The following RIPK2 variants were observed in gnomAD, a reference collection of about 807,000 sequenced individuals.
RIPK2 encodes receptor-interacting serine/threonine-protein kinase 2.
In RIPK2, 38 loss-of-function variants were observed where a neutral mutation model predicts 60.9. The ratio of observed to expected loss-of-function variants is 0.62; its 90% CI spans 0.48 to 0.82. The LOEUF is 0.82. RIPK2 is among the 40% of genes least tolerant of loss of function. RIPK2 has a pLI of 0.00. For missense variants in RIPK2, 518 were observed against 647.0 expected (o/e 0.80, Z 2.16); for synonymous variants, 225 against 223.4 (o/e 1.01, Z -0.06).
chr8:89,767,905 C>T (rs1321904852), intron 3 of RIPK2, among the ~76,000 whole-genome samples: 2 of 151,716 alleles, frequency 1.3e-5, no homozygotes, highest in South Asian at 2.1e-4. Flanking sequence ...TCCTTCAACT[C>T]GTTTTCTTAT....
Position 89,789,486 on chromosome 8 carries a change from A to T in RIPK2, c.1285+4A>T. On this transcript the variant is annotated splice_donor_region_variant and intron_variant, in intron 10 of 10. Transcript: ENST00000220751. ...CTCTCAACTGCAGGAAACTCAGGTA[A>T]ATATTTACTGTGAAACACCTTGTAA... 6.2e-7 allele frequency: 1 copy of T among 1,612,388 alleles called. No homozygotes were observed.
intron 9 of RIPK2, among the ~76,000 whole-genome samples, chr8:89,788,451 G>T (rs1337355874): frequency 6.6e-6 from 1 of 151,990 alleles, no homozygotes; most frequent in East Asian, 1.9e-4. Context: ...CACACAAAGG[G>T]TTGATGGCCA....
At chr8:89,760,475 A>T (rs1289769006) in intron 1 of RIPK2, among the ~76,000 whole-genome samples, 1 of 152,226 alleles carries the variant, frequency 6.6e-6, no homozygotes, top group Non-Finnish European at 1.5e-5. Flanking sequence ...AAAATGTAAA[A>T]ATCAATTTTT....
chr8:89,788,602 T>G (rs1482262923), intron 9 of RIPK2, among the ~76,000 whole-genome samples: 1 of 151,758 alleles, frequency 6.6e-6, no homozygotes, highest in African/African-American at 2.4e-5. Flanking sequence ...CATGGTGAAA[T>G]TCCATCTCTA....
chr8:89,771,806 C>CT lies in RIPK2; in HGVS notation c.691+22dup. The CT allele has an allele frequency of 6.5e-7, 1 of 1,542,310 alleles. No homozygotes were observed. Among genetic ancestry groups the CT allele is most frequent in the Non-Finnish European group, 8.9e-7 (1 of 1,118,264 alleles). ...CCTTTTGAAGGTAAGTATGGTTTGA[C>CT]TTTTTTATGCTCAATAACATCATGT... On this transcript the variant is annotated intron_variant, in intron 5 of 10. Transcript: ENST00000220751.
chr8:89,772,603 A>T, intron 5 of RIPK2, 64 bp from the exon 6 acceptor site: 1 of 1,183,796 alleles, frequency 8.4e-7, no homozygotes, highest in Non-Finnish European at 1.2e-6. Flanking sequence ...AGTTAGTTTT[A>T]GATGTAAGTA....
intron 3 of RIPK2, among the ~76,000 whole-genome samples, chr8:89,767,945 A>G (rs1157467309): frequency 6.6e-6 from 1 of 151,724 alleles, no homozygotes; most frequent in Non-Finnish European, 1.5e-5. Context: ...GGTGCTATGT[A>G]GATGCATCAT....
At chr8:89,766,822 A>T (rs562171512) in intron 3 of RIPK2, among the ~76,000 whole-genome samples, 4 of 150,884 alleles carry the variant, frequency 2.7e-5, no homozygotes, top group Non-Finnish European at 4.4e-5. Context: ...AATGTCTCTC[A>T]TGTCTTAAGC....
At chr8:89,788,385 CGGA>C (rs1406322598) in intron 9 of RIPK2, among the ~76,000 whole-genome samples, 4 of 151,572 alleles carry the variant, frequency 2.6e-5, no homozygotes, top group Non-Finnish European at 5.9e-5. Flanking sequence ...AGAGTTAAGA[CGGA>C]TAATTATACT....
intron 9 of RIPK2, among the ~76,000 whole-genome samples, chr8:89,787,143 G>A (rs544952865): frequency 1.4e-4 from 21 of 152,160 alleles, no homozygotes; most frequent in African/African-American, 4.6e-4. Context: ...CATCCTGGGC[G>A]ACAGAGTGAG....
Position 89,758,125 on chromosome 8 carries a change from G to T in RIPK2, c.65G>T (p.Arg22Leu), listed in dbSNP as rs759372563. 7 of 1,603,140 alleles carry T rather than the reference G, an allele frequency of 4.4e-6. No individual in the cohort carries two copies. Among genetic ancestry groups the T allele is most frequent in the Non-Finnish European group, 6.0e-6 (7 of 1,175,464 alleles). ...TIPYHKLADLRYLSRGASGTV... is the reference protein window; with the variant it reads ...TIPYHKLADLLYLSRGASGTV... ...CCCTACCACAAACTCGCCGACCTGCGCTACCTGAGCCGCGGCGCCTCTGGC... is the reference window on the plus strand; with the variant it reads ...CCCTACCACAAACTCGCCGACCTGCTCTACCTGAGCCGCGGCGCCTCTGGC... Residue 22 changes from arginine (R) to leucine (L), a missense_variant, in exon 1 of 11, where the codon CGC becomes CTC. Physicochemically the swap from Arg to Leu is moderately radical, Grantham distance 102. This residue lies in a region of RIPK2 where 448 missense variants were observed against 534.7 expected (regional missense o/e 0.84). Transcript: ENST00000220751.
chr8:89,767,416 A>C (rs1040338608), intron 3 of RIPK2, among the ~76,000 whole-genome samples: 1 of 151,782 alleles, frequency 6.6e-6, no homozygotes, highest in Admixed American at 6.6e-5. Flanking sequence ...AATTAAAACA[A>C]GAAATGTGAG....
chr8:89,781,932 CTT>C (rs1299044649), intron 7 of RIPK2, among the ~76,000 whole-genome samples: 2 of 152,110 alleles, frequency 1.3e-5, no homozygotes, highest in African/African-American at 2.4e-5. Context: ...TAAGAGTTGA[CTT>C]AATTAGTAAT....
chr8:89,763,404 AT>A (rs1809176987), intron 2 of RIPK2, among the ~76,000 whole-genome samples: 1 of 152,152 alleles, frequency 6.6e-6, no homozygotes, highest in South Asian at 2.1e-4. Flanking sequence ...ATATTAATAA[AT>A]TATCTCTGAA....
At chr8:89,765,848 C>T (rs1809219491) in intron 3 of RIPK2, among the ~76,000 whole-genome samples, 1 of 151,586 alleles carries the variant, frequency 6.6e-6, no homozygotes, top group East Asian at 1.9e-4. Context: ...ACCTGGTTTC[C>T]CACATTGTTA....
Position 89,790,447 on chromosome 8 carries a change from A to G in RIPK2, c.*31A>G, listed in dbSNP as rs375229775. On this transcript the variant is annotated 3_prime_UTR_variant, in exon 11 of 11. Coordinates refer to ENST00000220751, the MANE Select transcript of RIPK2 (RefSeq NM_003821.6). ...TGTTTTTCAAGAAGAAATGTGTTTC[A>G]TAAAAGGATATTTATATCTCTGTTG... 23 of 1,445,324 alleles carry G rather than the reference A, an allele frequency of 1.6e-5. No homozygotes were observed. In the African/African-American group the frequency reaches 3.3e-4, roughly 21 times the overall value. The allele number at this position is 1,445,324 out of a possible 1,614,324, so 89.5% of individuals were successfully genotyped here.
Position 89,765,259 on chromosome 8 carries a change from A to G in RIPK2, c.328-82A>G, listed in dbSNP as rs542701365. ...ACCTTAGTTTATACTGTATTTCCTC[A>G]TGGAATATTTAACTTTCTAAGTGTG... On this transcript the variant is annotated intron_variant, in intron 2 of 10. Coordinates refer to ENST00000220751, the MANE Select transcript of RIPK2 (RefSeq NM_003821.6). The G allele has an allele frequency of 8.4e-6, 8 of 955,296 alleles. 1 individual carries two copies. In the Middle Eastern group the frequency reaches 6.6e-4, roughly 79 times the overall value. 59.2% of individuals were successfully genotyped at this position (955,296 alleles called of 1,614,324 possible). A position where few individuals can be genotyped will look rare whatever the true frequency, so the allele number is the denominator to read the frequency against.
chr8:89,779,384 G>A (rs1177157202), intron 6 of RIPK2, among the ~76,000 whole-genome samples: 4 of 118,292 alleles, frequency 3.4e-5, no homozygotes, highest in East Asian at 2.9e-4. Context: ...GCACAATCTT[G>A]GCTCACTGCA....
intron 1 of RIPK2, among the ~76,000 whole-genome samples, chr8:89,762,164 G>C (rs1025020321): frequency 6.6e-6 from 1 of 151,724 alleles, no homozygotes; most frequent in African/African-American, 2.4e-5. Context: ...CTCTAGCCAG[G>C]GTGACAAAGA....
Sources: gnomAD v4.1 joint callset for allele counts (sites outside exome capture counted in the v4.1 genomes callset) on GRCh38, gnomAD v4.1.1 for gene constraint, gnomAD v4.1.1 regional missense constraint, MANE v1.5 for transcripts, NCBI Gene and HGNC (gene_info 2026-07-23, HGNC 2026-07-21) for gene names.